The following STK32B variants were observed in gnomAD, a reference collection of about 807,000 sequenced individuals.
STK32B encodes the protein serine/threonine-protein kinase 32B.
STK32B carries 43 observed loss-of-function variants against 52.6 expected under a neutral mutation model. That is an observed-to-expected ratio of 0.82 (90% confidence interval 0.64 to 1.05). The LOEUF (loss-of-function observed/expected upper bound fraction) is 1.05, where lower values mean the gene tolerates loss of function less well. Ranked by LOEUF, STK32B falls within the 50% of genes least tolerant of loss-of-function variation. The pLI, the probability that STK32B is intolerant of heterozygous loss-of-function variation, is 0.00. For synonymous variants in STK32B, 238 were observed against 204.3 expected (o/e 1.17, Z -1.41); for missense variants, 621 against 534.6 (o/e 1.16, Z -1.59).
intron 3 of STK32B, among the ~76,000 whole-genome samples, chr4:5,176,286 A>C (rs887144112): frequency 4.6e-5 from 7 of 152,014 alleles, no homozygotes; most frequent in Non-Finnish European, 8.8e-5. Context: ...TGGTTCACGC[A>C]TGGTGTGCTG....
chr4:5,459,560 A>T (rs1037349380), intron 8 of STK32B, among the ~76,000 whole-genome samples: 3 of 152,198 alleles, frequency 2.0e-5, no homozygotes, highest in African/African-American at 7.2e-5. Flanking sequence ...GCCAGGTCAT[A>T]GTCTTCAGCT....
At chr4:5,438,102 A>T in intron 6 of STK32B, 1 of 985,344 alleles carries the variant, frequency 1.0e-6, no homozygotes, top group South Asian at 4.7e-5. Context: ...ACACCTCGGC[A>T]CACACAGCCA....
chr4:5,194,284 C>T (rs1482460709), intron 3 of STK32B, among the ~76,000 whole-genome samples: 2 of 152,148 alleles, frequency 1.3e-5, no homozygotes, highest in African/African-American at 2.4e-5. Context: ...AGCATTTGAT[C>T]ATATGTATGT....
intron 11 of STK32B, among the ~76,000 whole-genome samples, chr4:5,490,372 G>A (rs1433690590): frequency 6.6e-6 from 1 of 152,042 alleles, no homozygotes; most frequent in Non-Finnish European, 1.5e-5. Flanking sequence ...CTCCCAAAGT[G>A]CTGGGATTAC....
chr4:5,057,327 G>A (rs370572537), intron 1 of STK32B, among the ~76,000 whole-genome samples: 7 of 152,122 alleles, frequency 4.6e-5, no homozygotes, highest in Admixed American at 2.0e-4. Context: ...GTTTTTCAGC[G>A]TGGACCCTAC....
intron 3 of STK32B, among the ~76,000 whole-genome samples, chr4:5,191,690 G>C (rs907437770): frequency 6.6e-6 from 1 of 152,160 alleles, no homozygotes; most frequent in South Asian, 2.1e-4. Context: ...TTGACCACCC[G>C]CAGCCTGCTT....
intron 3 of STK32B, among the ~76,000 whole-genome samples, chr4:5,288,841 T>A (rs185368998): frequency 1.3e-5 from 2 of 152,356 alleles, no homozygotes; most frequent in Admixed American, 1.3e-4. Flanking sequence ...TCTGAAATAA[T>A]CTGTCAGCAC....
intron 4 of STK32B, among the ~76,000 whole-genome samples, chr4:5,332,164 G>A (rs1399458337): frequency 2.0e-5 from 3 of 152,162 alleles, no homozygotes; most frequent in Non-Finnish European, 4.4e-5. Flanking sequence ...AAGCATATAC[G>A]TCTAAATTTT....
intron 4 of STK32B, among the ~76,000 whole-genome samples, chr4:5,353,952 A>G (rs568195260): frequency 2.1e-3 from 314 of 152,374 alleles, no homozygotes; most frequent in African/African-American, 7.4e-3. Context: ...TTGCCACACT[A>G]TTCACAATTG....
chr4:5,489,214 T>G (rs1390416605), intron 11 of STK32B, among the ~76,000 whole-genome samples: 2 of 152,134 alleles, frequency 1.3e-5, no homozygotes, highest in African/African-American at 4.8e-5. Flanking sequence ...TTTATCTGCT[T>G]TATTAATTTT....
chr4:5,498,345 T>C (rs762759295), intron 11 of STK32B, among the ~76,000 whole-genome samples: 11 of 152,206 alleles, frequency 7.2e-5, no homozygotes, highest in Admixed American at 6.5e-4. Context: ...TTCGGAATCA[T>C]ACCCCCTCAA....
intron 7 of STK32B, among the ~76,000 whole-genome samples, chr4:5,448,098 G>A (rs9999104): frequency 0.15 from 23,096 of 152,142 alleles, 2,311 homozygotes; most frequent in East Asian, 0.53. Flanking sequence ...CACCATGAAC[G>A]CTGTGAGTGC....
At chr4:5,043,770 TG>T in the STK32B span, among the ~76,000 whole-genome samples, 1 of 152,254 alleles carries the variant, frequency 6.6e-6, no homozygotes, top group Non-Finnish European at 1.5e-5. Flanking sequence ...TCCTGTTGGC[TG>T]GAACTTAGTC....
chr4:5,251,489 GTA>G (rs1213392315), intron 3 of STK32B, among the ~76,000 whole-genome samples: 1 of 152,108 alleles, frequency 6.6e-6, no homozygotes, highest in Non-Finnish European at 1.5e-5. Flanking sequence ...TAGCCCTTTA[GTA>G]TAGTTTGAAG....
intron 3 of STK32B, among the ~76,000 whole-genome samples, chr4:5,168,772 G>T (rs1312216031): frequency 1.3e-5 from 2 of 152,202 alleles, no homozygotes; most frequent in African/African-American, 4.8e-5. Flanking sequence ...GGGGAGCTCA[G>T]TGTTTCAGAA....
At chr4:5,158,505 A>G (rs568828825) in intron 2 of STK32B, among the ~76,000 whole-genome samples, 1 of 152,088 alleles carries the variant, frequency 6.6e-6, no homozygotes, top group Admixed American at 6.5e-5. Context: ...TTCCTTATTC[A>G]TTCGTTCGTA....
At chr4:5,248,174 G>C (rs1725599379) in intron 3 of STK32B, among the ~76,000 whole-genome samples, 1 of 152,196 alleles carries the variant, frequency 6.6e-6, no homozygotes, top group Non-Finnish European at 1.5e-5. Flanking sequence ...ATGAGGTTTG[G>C]AGTGACATGA....
intron 3 of STK32B, among the ~76,000 whole-genome samples, chr4:5,328,000 C>G (rs976949570): frequency 2.0e-5 from 3 of 152,232 alleles, no homozygotes; most frequent in Admixed American, 2.0e-4. Flanking sequence ...TCACCTTGTG[C>G]TTTTATGTTC....
At position 5,254,538 on chromosome 4, in the gene STK32B, A is replaced by G. The variant is rs201674613; in HGVS notation, c.261-76682A>G. Among the ~76,000 whole-genome samples the G allele has an allele frequency of 1.8e-4, 27 of 152,134 alleles. No individual in the cohort carries two copies. In the East Asian group the frequency reaches 3.7e-3, roughly 21 times the overall value. ...TTAAGGTGATAATTTTCTTCCCAGC[A>G]TGGTTTTATGTAAGTTTTAATATGC... On this transcript the variant is annotated intron_variant, in intron 3 of 11. Transcript: ENST00000282908.
Sources: gnomAD v4.1 joint callset for allele counts (sites outside exome capture counted in the v4.1 genomes callset) on GRCh38, gnomAD v4.1.1 for gene constraint, MANE v1.5 for transcripts, NCBI Gene and HGNC (gene_info 2026-07-23, HGNC 2026-07-21) for gene names.